ANKS1B: variants seen among roughly 807,000 people sequenced by gnomAD.
ANKS1B encodes the protein ankyrin repeat and sterile alpha motif domain containing 1B, also known as ankyrin repeat and sterile alpha motif domain-containing protein 1B.
A neutral mutation model predicts 148.3 loss-of-function variants in ANKS1B; 36 were observed. The ratio of observed to expected loss-of-function variants is 0.24; its 90% CI spans 0.19 to 0.32. ANKS1B has a LOEUF of 0.32. Ranked by LOEUF, ANKS1B falls within the 10% of genes least tolerant of loss-of-function variation. The pLI is 1.00. For missense variants in ANKS1B, 1,157 were observed against 1,542.6 expected (o/e 0.75, Z 4.19); for synonymous variants, 542 against 560.8 (o/e 0.97, Z 0.47).
At chr12:99,910,583 C>T (rs1273455596) in intron 1 of ANKS1B, among the ~76,000 whole-genome samples, 1 of 152,092 alleles carries the variant, frequency 6.6e-6, no homozygotes, top group Non-Finnish European at 1.5e-5. Flanking sequence ...CTAATAAGTA[C>T]AGTGGCTTCT....
intron 12 of ANKS1B, among the ~76,000 whole-genome samples, chr12:99,335,932 C>T (rs2088747574): frequency 6.6e-6 from 1 of 152,028 alleles, no homozygotes; most frequent in South Asian, 2.1e-4. Flanking sequence ...TTTTGAAGAA[C>T]CTCCATACTG....
intron 9 of ANKS1B, chr12:99,647,842 A>G: frequency 3.3e-6 from 1 of 304,038 alleles, no homozygotes; most frequent in South Asian, 6.8e-5. Flanking sequence ...GTGAAGTGGA[A>G]TATCAGGCTC....
At chr12:99,951,651 G>A (rs901610252) in intron 1 of ANKS1B, among the ~76,000 whole-genome samples, 2 of 151,596 alleles carry the variant, frequency 1.3e-5, no homozygotes, top group East Asian at 3.9e-4. Context: ...GAAGCAGGCA[G>A]ATCACCTGAA....
At chr12:99,019,206 A>AT (rs2099944316) in intron 17 of ANKS1B, among the ~76,000 whole-genome samples, 1 of 152,210 alleles carries the variant, frequency 6.6e-6, no homozygotes, top group Non-Finnish European at 1.5e-5. Flanking sequence ...AGATTTGATC[A>AT]TTTTTTAAAA....
At chr12:99,742,771 G>T (rs2060245051) in intron 8 of ANKS1B, among the ~76,000 whole-genome samples, 1 of 150,380 alleles carries the variant, frequency 6.6e-6, no homozygotes, top group African/African-American at 2.5e-5. Flanking sequence ...CCGGGAGGCA[G>T]AGGTTGCAGT....
intron 9 of ANKS1B, among the ~76,000 whole-genome samples, chr12:99,537,417 C>T (rs1173953645): frequency 6.6e-6 from 1 of 152,118 alleles, no homozygotes; most frequent in African/African-American, 2.4e-5. Context: ...ACATCCTCAC[C>T]AGCACTTGTT....
At chr12:99,012,926 G>A (rs1047814029) in intron 17 of ANKS1B, among the ~76,000 whole-genome samples, 1 of 152,148 alleles carries the variant, frequency 6.6e-6, no homozygotes, top group Non-Finnish European at 1.5e-5. Flanking sequence ...TCATTCCCAA[G>A]CAGTTTAACT....
At chr12:99,865,912 A>G (rs922685264) in intron 1 of ANKS1B, among the ~76,000 whole-genome samples, 2 of 151,822 alleles carry the variant, frequency 1.3e-5, no homozygotes, top group Non-Finnish European at 2.9e-5. Context: ...TATTGTATCC[A>G]GTCTTGGTGG....
At chr12:99,361,079 C>T (rs2092423443) in intron 12 of ANKS1B, among the ~76,000 whole-genome samples, 1 of 151,902 alleles carries the variant, frequency 6.6e-6, no homozygotes, top group Non-Finnish European at 1.5e-5. Context: ...TGACTACAGT[C>T]AACAACAACT....
At chr12:99,119,194 G>A (rs1011598413) in intron 15 of ANKS1B, among the ~76,000 whole-genome samples, 2 of 152,124 alleles carry the variant, frequency 1.3e-5, no homozygotes, top group African/African-American at 4.8e-5. Flanking sequence ...AGATGGAAAG[G>A]GAGCTTTGAC....
chr12:99,297,840 T>G (rs2081094492), intron 12 of ANKS1B, among the ~76,000 whole-genome samples: 2 of 152,154 alleles, frequency 1.3e-5, no homozygotes, highest in Admixed American at 1.3e-4. Context: ...CATGTTTAAA[T>G]ATAACTCTTC....
intron 17 of ANKS1B, chr12:98,954,405 C>T (rs1415572342): frequency 6.6e-6 from 1 of 152,174 alleles, no homozygotes; most frequent in Non-Finnish European, 1.5e-5. Flanking sequence ...TGAATGTAAC[C>T]TCTTCAAAAT....
intron 17 of ANKS1B, among the ~76,000 whole-genome samples, chr12:98,888,172 C>T (rs1327237548): frequency 3.3e-5 from 5 of 152,220 alleles, no homozygotes; most frequent in Admixed American, 1.3e-4. Flanking sequence ...AAAAATAATA[C>T]AATGACTTTT....
chr12:99,835,286 C>A (rs1164495537), intron 1 of ANKS1B, among the ~76,000 whole-genome samples: 1 of 150,852 alleles, frequency 6.6e-6, no homozygotes, highest in African/African-American at 2.4e-5. Flanking sequence ...GAAAAATTAG[C>A]CAGGCATGGT....
At chr12:99,616,786 C>T (rs1598198931) in intron 9 of ANKS1B, among the ~76,000 whole-genome samples, 1 of 152,054 alleles carries the variant, frequency 6.6e-6, no homozygotes, top group Non-Finnish European at 1.5e-5. Context: ...CCAAAATTGA[C>T]AAATAGGATC....
At chr12:99,005,829 A>G (rs1021324051) in intron 17 of ANKS1B, among the ~76,000 whole-genome samples, 6 of 152,162 alleles carry the variant, frequency 3.9e-5, no homozygotes, top group African/African-American at 1.4e-4. Context: ...AGTCAAAAAC[A>G]TATGCTGATG....
chr12:98,972,639 T>C (rs911819236), intron 17 of ANKS1B, among the ~76,000 whole-genome samples: 1 of 152,226 alleles, frequency 6.6e-6, no homozygotes, highest in Non-Finnish European at 1.5e-5. Flanking sequence ...TGTAAAAGCA[T>C]GATATTTTTA....
chr12:99,382,533 A>G (rs2093681698), intron 12 of ANKS1B, among the ~76,000 whole-genome samples: 2 of 151,948 alleles, frequency 1.3e-5, no homozygotes, highest in Admixed American at 1.3e-4. Context: ...CCCTGTCTCT[A>G]CCAAAAAGAC....
intron 17 of ANKS1B, among the ~76,000 whole-genome samples, chr12:98,994,582 G>A (rs1364538703): frequency 1.3e-5 from 2 of 152,178 alleles, no homozygotes; most frequent in South Asian, 2.1e-4. Context: ...TCGTACCACT[G>A]CACTCCATCC....
Sources: allele counts gnomAD v4.1 joint callset (sites outside exome capture counted in the v4.1 genomes callset), GRCh38; gene constraint gnomAD v4.1.1; transcripts MANE v1.5; gene names NCBI Gene and HGNC (gene_info 2026-07-23, HGNC 2026-07-21).